Variants in CSMD1 observed in about 807,000 individuals in gnomAD.
CSMD1 encodes CUB and Sushi multiple domains 1.
Under a neutral mutation model 417.5 loss-of-function variants are expected in CSMD1, and 213 were observed. That is an observed-to-expected ratio of 0.51 (90% CI 0.46 to 0.57). The LOEUF (loss-of-function observed/expected upper bound fraction) is 0.57, where lower values mean the gene tolerates loss of function less well. Among genes scored for constraint, CSMD1 ranks in the 20% least tolerant of loss-of-function variants. CSMD1 has a pLI of 0.00. For missense variants in CSMD1, 6,923 were observed against 4,529.7 expected (o/e 1.53, Z -15.17); for synonymous variants, 2,862 against 1,736.8 (o/e 1.65, Z -16.11).
intron 1 of CSMD1, chr8:4,788,436 C>G (rs572828748): frequency 1.5e-6 from 2 of 1,329,370 alleles, no homozygotes; most frequent in East Asian, 2.3e-5. Context: ...GGCTGTTCAA[C>G]CACACTTTCT....
chr8:4,269,911 G>A (rs1053536842), intron 3 of CSMD1, among the ~76,000 whole-genome samples: 2 of 152,150 alleles, frequency 1.3e-5, no homozygotes, highest in Admixed American at 1.3e-4. Context: ...CATTACAGAT[G>A]GAGGAAGAAG....
At chr8:3,882,021 C>G (rs554720461) in intron 5 of CSMD1, among the ~76,000 whole-genome samples, 18 of 151,986 alleles carry the variant, frequency 1.2e-4, no homozygotes, top group African/African-American at 4.1e-4. Context: ...TCTGATGATG[C>G]AACTATTTTT....
intron 4 of CSMD1, among the ~76,000 whole-genome samples, chr8:4,023,305 C>G (rs925042926): frequency 6.6e-6 from 1 of 152,190 alleles, no homozygotes; most frequent in Non-Finnish European, 1.5e-5. Flanking sequence ...TTGAATTTAA[C>G]TTGAGCAAAG....
intron 3 of CSMD1, among the ~76,000 whole-genome samples, chr8:4,238,470 G>A (rs1018353518): frequency 1.3e-5 from 2 of 152,302 alleles, no homozygotes; most frequent in Non-Finnish European, 2.9e-5. Flanking sequence ...GGAGCACACT[G>A]CCTTAGGGTA....
chr8:4,243,903 G>C (rs769299560), intron 3 of CSMD1, among the ~76,000 whole-genome samples: 16 of 152,168 alleles, frequency 1.1e-4, no homozygotes, highest in Non-Finnish European at 2.1e-4. Flanking sequence ...AAACACATTA[G>C]GTTAGCAGAG....
At position 2,966,394 on chromosome 8, in the gene CSMD1, G is replaced by GA. The variant is rs573917171; in HGVS notation, c.9100+175dup. 8.2e-3 allele frequency among the ~76,000 whole-genome samples: 1,239 copies of GA among 151,848 alleles called. 8 individuals carry two copies. Among genetic ancestry groups the GA allele is most frequent in the Middle Eastern group, 0.024 (7 of 290 alleles). On this transcript the variant is annotated intron_variant, in intron 58 of 69. Transcript: ENST00000635120. ...CTTCAGCCATACGAATAAGCAACTG[G>GA]AAAAAAAATCTTAAAGTACTTAAGA...
intron 10 of CSMD1, among the ~76,000 whole-genome samples, chr8:3,503,302 CTACAATTCA>C (rs1796685111): frequency 2.0e-5 from 3 of 152,176 alleles, no homozygotes; most frequent in Admixed American, 2.0e-4. Flanking sequence ...CTCTTATAAA[CTACAATTCA>C]ATGCACTGCT....
At chr8:3,412,871 G>C (rs1300434820) in intron 12 of CSMD1, among the ~76,000 whole-genome samples, 1 of 152,186 alleles carries the variant, frequency 6.6e-6, no homozygotes, top group Non-Finnish European at 1.5e-5. Flanking sequence ...AGTTCAAAAC[G>C]CTGCATGGTT....
At chr8:3,195,239 G>A (rs1313446731) in intron 33 of CSMD1, among the ~76,000 whole-genome samples, 1 of 152,184 alleles carries the variant, frequency 6.6e-6, no homozygotes, top group Non-Finnish European at 1.5e-5. Flanking sequence ...ATGCACATCA[G>A]AGGGATGCGG....
chr8:3,214,719 T>A (rs916079292), intron 29 of CSMD1, 28 bp from the exon 30 acceptor site: 5 of 1,518,572 alleles, frequency 3.3e-6, no homozygotes, highest in Non-Finnish European at 4.4e-6. Flanking sequence ...GTAAACTGCA[T>A]GAGAGCAGGG....
intron 26 of CSMD1, among the ~76,000 whole-genome samples, chr8:3,276,811 A>C (rs180981441): frequency 7.9e-5 from 12 of 152,162 alleles, no homozygotes; most frequent in Admixed American, 6.6e-4. Context: ...CACGTGGAAA[A>C]TTTTCACGCA....
intron 63 of CSMD1, among the ~76,000 whole-genome samples, chr8:2,957,179 T>C (rs1475151795): frequency 6.6e-6 from 1 of 152,172 alleles, no homozygotes; most frequent in Non-Finnish European, 1.5e-5. Context: ...ATTTGAATGA[T>C]CAATTCATAT....
At chr8:4,513,696 G>T (rs1424522973) in intron 2 of CSMD1, among the ~76,000 whole-genome samples, 8 of 152,166 alleles carry the variant, frequency 5.3e-5, no homozygotes, top group Non-Finnish European at 1.2e-4. Flanking sequence ...TTCATTTTCT[G>T]GGGGACTTTA....
At chr8:3,189,217 T>G (rs1796272087) in intron 34 of CSMD1, among the ~76,000 whole-genome samples, 1 of 152,264 alleles carries the variant, frequency 6.6e-6, no homozygotes, top group Non-Finnish European at 1.5e-5. Flanking sequence ...GCTACTCAGT[T>G]ATAGATCTTG....
chr8:4,581,982 C>T (rs544969618), intron 2 of CSMD1, among the ~76,000 whole-genome samples: 19 of 152,164 alleles, frequency 1.2e-4, no homozygotes, highest in Admixed American at 1.2e-3. Flanking sequence ...AGACAAACGA[C>T]GATGGCTAAA....
At chr8:4,729,887 C>G (rs969590876) in intron 1 of CSMD1, among the ~76,000 whole-genome samples, 8 of 152,148 alleles carry the variant, frequency 5.3e-5, no homozygotes, top group African/African-American at 1.2e-4. Flanking sequence ...TGATAGGAAC[C>G]TCATCTGAAA....
chr8:4,268,905 C>G (rs17069796), intron 3 of CSMD1, among the ~76,000 whole-genome samples: 9,567 of 152,260 alleles, frequency 0.063, 366 homozygotes, highest in South Asian at 0.11. Flanking sequence ...ATCATATACT[C>G]ATCAAGATGC....
intron 1 of CSMD1, chr8:4,788,084 G>C (rs1338937322): frequency 1.9e-6 from 3 of 1,601,674 alleles, no homozygotes; most frequent in African/African-American, 2.7e-5. Context: ...AAGTAGAGTT[G>C]CTTTTGAAAT....
chr8:3,192,874 T>G (rs1470545968), intron 33 of CSMD1, among the ~76,000 whole-genome samples: 1 of 152,094 alleles, frequency 6.6e-6, no homozygotes, highest in Non-Finnish European at 1.5e-5. Context: ...TAATATTTCT[T>G]GAAATTATTT....
Sources: gnomAD v4.1 joint callset for allele counts (sites outside exome capture counted in the v4.1 genomes callset) on GRCh38, gnomAD v4.1.1 for gene constraint, MANE v1.5 for transcripts, NCBI Gene and HGNC (gene_info 2026-07-23, HGNC 2026-07-21) for gene names.